Variants in TFEC observed in about 807,000 individuals in gnomAD.
TFEC encodes the protein class E basic helix-loop-helix protein 34.
In TFEC, 31 loss-of-function variants were observed where a neutral mutation model predicts 41.6. That is an observed-to-expected ratio of 0.74 (90% CI 0.56 to 1.01). The LOEUF is 1.01. Among genes scored for constraint, TFEC ranks in the 50% least tolerant of loss-of-function variants. TFEC has a pLI of 0.00. For synonymous variants in TFEC, 143 were observed against 140.6 expected (o/e 1.02, Z -0.12); for missense variants, 402 against 404.1 (o/e 0.99, Z 0.04).
At chr7:116,048,971 C>G (rs1796240848) in intron 3 of TFEC, among the ~76,000 whole-genome samples, 1 of 152,134 alleles carries the variant, frequency 6.6e-6, no homozygotes, top group South Asian at 2.1e-4. Context: ...TACAAGAGCT[C>G]CTGAAGGAAG....
chr7:115,940,442 T>C lies in TFEC; in HGVS notation c.*109A>G. 1 of 1,235,422 alleles carries C rather than the reference T, an allele frequency of 8.1e-7. No individual in the cohort carries two copies. Among genetic ancestry groups the C allele is most frequent in the Non-Finnish European group, 1.1e-6 (1 of 912,230 alleles). 76.5% of individuals were successfully genotyped at this position (1,235,422 alleles called of 1,614,324 possible). On this transcript the variant is annotated 3_prime_UTR_variant, in exon 8 of 8. Transcript: ENST00000265440. ...CTATCAGTTTTTCATGAACAACACA[T>C]TCCTTTAAGAAAAAAAATAAGCCAA...
chr7:116,008,423 T>C (rs1404863030), intron 1 of TFEC, among the ~76,000 whole-genome samples: 1 of 152,168 alleles, frequency 6.6e-6, no homozygotes, highest in Non-Finnish European at 1.5e-5. Context: ...ATTCCATTCA[T>C]TATAATATGA....
chr7:116,105,559 G>A (rs755890566), intron 3 of TFEC, among the ~76,000 whole-genome samples: 1 of 152,164 alleles, frequency 6.6e-6, no homozygotes, highest in African/African-American at 2.4e-5. Flanking sequence ...GGGCTCTGTG[G>A]GTGAGACTCC....
At chr7:116,032,108 A>G (rs868008449), upstream of TFEC, among the ~76,000 whole-genome samples, 5 of 152,164 alleles carry the variant, frequency 3.3e-5, no homozygotes, top group African/African-American at 1.2e-4. Flanking sequence ...TTAAAGCTGT[A>G]TTACTATGTG....
intron 2 of TFEC, 151 bp from the exon 3 acceptor site, chr7:115,974,407 T>TATATATAA (rs1793280209): frequency 1.8e-4 from 2 of 11,368 alleles, no homozygotes; most frequent in Non-Finnish European, 3.7e-4. Flanking sequence ...ACCTCAATAT[T>TATATATAA]ATATATATAT....
At chr7:116,007,760 T>C (rs1794855247) in intron 1 of TFEC, among the ~76,000 whole-genome samples, 1 of 152,204 alleles carries the variant, frequency 6.6e-6, no homozygotes, top group Admixed American at 6.5e-5. Context: ...CTCTATTGTA[T>C]AAGACTGTCT....
intron 3 of TFEC, among the ~76,000 whole-genome samples, chr7:115,961,938 C>T (rs1792577243): frequency 6.6e-6 from 1 of 151,720 alleles, no homozygotes; most frequent in African/African-American, 2.4e-5. Flanking sequence ...CACTTACACA[C>T]ACACATGCAC....
intron 3 of TFEC, among the ~76,000 whole-genome samples, chr7:116,065,360 G>T (rs982830179): frequency 3.9e-5 from 6 of 152,038 alleles, no homozygotes; most frequent in Non-Finnish European, 4.4e-5. Flanking sequence ...ATTAATCATG[G>T]TTTACCTTAT....
At chr7:115,969,540 G>A (rs1376626489) in intron 3 of TFEC, among the ~76,000 whole-genome samples, 1 of 151,922 alleles carries the variant, frequency 6.6e-6, no homozygotes, top group East Asian at 1.9e-4. Flanking sequence ...TAATATTCCT[G>A]TCATGTTTGA....
At position 116,049,213 on chromosome 7, in the gene TFEC, A is replaced by C. The variant is rs1209307563; in HGVS notation, c.198+61495T>G. Among the ~76,000 whole-genome samples the C allele has an allele frequency of 3.3e-5, 5 of 152,216 alleles. 1 individual carries two copies. The highest frequency in any genetic ancestry group is 7.3e-5 in the Non-Finnish European group (5 of 68,036). Reference sequence around the variant, plus strand: ...ATTGGATAAAGAGTCAAGAGCCATCAGTGTGCTGTATTCAGGAGACCCATC... The same window carrying C: ...ATTGGATAAAGAGTCAAGAGCCATCCGTGTGCTGTATTCAGGAGACCCATC... On this transcript the variant is annotated intron_variant, in intron 3 of 8. Transcript: ENST00000484212.
At chr7:115,974,495 A>G (rs1316725891) in intron 2 of TFEC, among the ~76,000 whole-genome samples, 3 of 133,638 alleles carry the variant, frequency 2.2e-5, no homozygotes, top group Admixed American at 7.9e-5. Context: ...AATCCTGACA[A>G]TCTTTGGTCT....
intron 3 of TFEC, among the ~76,000 whole-genome samples, chr7:116,088,392 G>A (rs1166488314): frequency 1.3e-5 from 2 of 152,056 alleles, no homozygotes; most frequent in African/African-American, 4.8e-5. Flanking sequence ...TGAGTACATG[G>A]TAGTAGTCGG....
chr7:116,140,002 T>C (rs980384495), intron 1 of TFEC, among the ~76,000 whole-genome samples: 23 of 152,190 alleles, frequency 1.5e-4, no homozygotes, highest in Non-Finnish European at 2.9e-4. Flanking sequence ...AGCACCATAG[T>C]GTTTTATGCT....
intron 1 of TFEC, among the ~76,000 whole-genome samples, chr7:116,013,266 A>AC (rs1309303241): frequency 6.6e-6 from 1 of 152,140 alleles, no homozygotes; most frequent in African/African-American, 2.4e-5. Context: ...TGGCATCTAC[A>AC]TCAATCAAAT....
At chr7:116,060,916 G>A (rs117564998) in intron 3 of TFEC, among the ~76,000 whole-genome samples, 193 of 152,080 alleles carry the variant, frequency 1.3e-3, no homozygotes, top group Non-Finnish European at 2.4e-3. Flanking sequence ...GACAAAATAT[G>A]TGAAAAAATA....
At position 115,938,012 on chromosome 7, in the gene TFEC, A is replaced by C. The variant is rs573594784; in HGVS notation, c.*2539T>G. 6.6e-6 allele frequency: 1 copy of C among 151,988 alleles called. No homozygotes were observed. Among genetic ancestry groups the C allele is most frequent in the South Asian group, 2.1e-4 (1 of 4,816 alleles). The allele number at this position is 151,988 out of a possible 1,614,324, so 9.4% of individuals were successfully genotyped here. ...GCATAACTCTTTACTCTCTTTAAAA[A>C]TTCATTACCCTTTTTACAGTTCCCT... On this transcript the variant is annotated 3_prime_UTR_variant, in exon 8 of 8. Coordinates refer to ENST00000265440, the MANE Select transcript of TFEC (RefSeq NM_012252.4).
At chr7:115,968,356 A>C (rs1792969732) in intron 3 of TFEC, 2 of 1,398,518 alleles carry the variant, frequency 1.4e-6, no homozygotes, top group Admixed American at 2.8e-5. Flanking sequence ...AATCTTGTCT[A>C]GATTGTGATT....
intron 3 of TFEC, among the ~76,000 whole-genome samples, chr7:116,103,955 T>C (rs1797661191): frequency 6.6e-6 from 1 of 152,094 alleles, no homozygotes; most frequent in Non-Finnish European, 1.5e-5. Flanking sequence ...AATTTGAAAA[T>C]GGACAACAGT....
intron 1 of TFEC, among the ~76,000 whole-genome samples, chr7:116,020,531 T>A (rs1040661189): frequency 2.0e-5 from 3 of 152,184 alleles, no homozygotes; most frequent in Non-Finnish European, 4.4e-5. Context: ...TCTCTTTTAT[T>A]CAGGTCAAAG....
Sources: gnomAD v4.1 joint callset for allele counts (sites outside exome capture counted in the v4.1 genomes callset) on GRCh38, gnomAD v4.1.1 for gene constraint, MANE v1.5 for transcripts, NCBI Gene and HGNC (gene_info 2026-07-23, HGNC 2026-07-21) for gene names.